ALG1L2: variants seen among roughly 807,000 people sequenced by gnomAD.
ALG1L2 encodes the protein putative glycosyltransferase ALG1L2.
ALG1L2 carries 32 observed loss-of-function variants against 29.0 expected under a neutral mutation model. The observed-to-expected ratio is 1.10, with a 90% CI of 0.83 to 1.48. ALG1L2 has a LOEUF of 1.48. Ranked by LOEUF, ALG1L2 falls within the 40% of genes most tolerant of loss-of-function variation. The probability of loss-of-function intolerance (pLI) is 0.00; values close to 1 mark genes in which losing one functional copy is unlikely to be tolerated. For synonymous variants in ALG1L2, 110 were observed against 109.5 expected (o/e 1.00, Z -0.03); for missense variants, 318 against 274.1 (o/e 1.16, Z -1.13).
At chr3:130,082,646 T>C (rs562533974) in intron 1 of ALG1L2, among the ~76,000 whole-genome samples, 310 of 145,180 alleles carry the variant, frequency 2.1e-3, no homozygotes, top group African/African-American at 7.3e-3. Flanking sequence ...TCTGAATCTA[T>C]GTTTTATCAG....
At chr3:130,095,070 C>G (rs539386180) in intron 5 of ALG1L2, among the ~76,000 whole-genome samples, 6 of 152,310 alleles carry the variant, frequency 3.9e-5, no homozygotes, top group African/African-American at 1.4e-4. Context: ...AGTCTTGCTC[C>G]GTTGCCTAGG....
rs1935184994 is a variant in ALG1L2, at chr3:130,098,128, G to T, written c.616-95G>T. The T allele has an allele frequency of 8.5e-6, 13 of 1,532,774 alleles. No homozygotes were observed. The South Asian group carries it at 1.4e-4, about 16-fold the overall frequency. 94.9% of individuals were successfully genotyped at this position (1,532,774 alleles called of 1,614,324 possible). On this transcript the variant is annotated intron_variant, in intron 7 of 7. Transcript: ENST00000425059. ...GTCCAAGTGAGGGAGCTAGGGACTTGGGAGGGGTTGTTGTTGGGTCGGGGA... is the reference window on the plus strand; with the variant it reads ...GTCCAAGTGAGGGAGCTAGGGACTTTGGAGGGGTTGTTGTTGGGTCGGGGA...
chr3:130,092,503 T>C (rs1305680562), intron 3 of ALG1L2, among the ~76,000 whole-genome samples: 2 of 152,190 alleles, frequency 1.3e-5, no homozygotes, highest in Non-Finnish European at 2.9e-5. Context: ...AGCTGTGAGC[T>C]GCTTGCCTGG....
At chr3:130,086,229 G>T (rs1205410690) in intron 1 of ALG1L2, among the ~76,000 whole-genome samples, 2 of 151,202 alleles carry the variant, frequency 1.3e-5, no homozygotes, top group African/African-American at 4.8e-5. Context: ...GCTGACAGGC[G>T]CTAGCGCACT....
chr3:130,094,577 C>CCTTTTGCTGGGGTAACTGGGGGGGGG, intron 5 of ALG1L2, 64 bp downstream of exon 5: 1 of 286,992 alleles, frequency 3.5e-6, no homozygotes, highest in Non-Finnish European at 6.5e-6. Context: ...CAGGGGTGGG[C>CCTTTTGCTGGGGTAACTGGGGGGGGG]GGGGTGTACC....
intron 1 of ALG1L2, among the ~76,000 whole-genome samples, chr3:130,084,948 TTTTA>T (rs71155601): frequency 1.8e-4 from 11 of 61,272 alleles, no homozygotes; most frequent in Admixed American, 1.3e-3. Flanking sequence ...ATATATATAA[TTTTA>T]TTTATTTATT....
chr3:130,096,066 G>A lies in ALG1L2; in HGVS notation c.442G>A (p.Val148Ile), dbSNP rs780586277. ...CCTAGCAGGGTCGGTGGACCTGGATGTCTGTCTGGACACGTCCTCCAGTGG... is the reference window on the plus strand; with the variant it reads ...CCTAGCAGGGTCGGTGGACCTGGATATCTGTCTGGACACGTCCTCCAGTGG... The part of the protein sequence containing the change: ...PPLLGSVDLD[V>I]CLDTSSSGLD... The change falls in exon 6 of 8, where the codon GTC becomes ATC. Residue 148 changes from valine to isoleucine, a missense_variant. Physicochemically the swap from Val to Ile is conservative, Grantham distance 29 (BLOSUM62 3). Coordinates refer to ENST00000425059, the MANE Select transcript of ALG1L2 (RefSeq NM_001136152.1). 6.2e-6 allele frequency: 10 copies of A among 1,604,598 alleles called. No individual in the cohort carries two copies. The South Asian group carries it at 1.1e-4, about 18-fold the overall frequency.
At chr3:130,083,310 G>T (rs1934826034) in intron 1 of ALG1L2, among the ~76,000 whole-genome samples, 1 of 132,392 alleles carries the variant, frequency 7.6e-6, no homozygotes, top group African/African-American at 2.5e-5. Flanking sequence ...CCGGTGTGGT[G>T]GCAGGCTCCT....
At chr3:130,092,793 G>A (rs1045784093) in intron 3 of ALG1L2, among the ~76,000 whole-genome samples, 1 of 152,174 alleles carries the variant, frequency 6.6e-6, no homozygotes, top group African/African-American at 2.4e-5. Context: ...AACTCTGGGA[G>A]GCCGAGGCAG....
chr3:130,082,694 G>A (rs1384814397), intron 1 of ALG1L2, among the ~76,000 whole-genome samples: 5 of 148,112 alleles, frequency 3.4e-5, no homozygotes, highest in Non-Finnish European at 7.6e-5. Flanking sequence ...TGCGTGGGCA[G>A]ACGAGACACC....
intron 4 of ALG1L2, 84 bp downstream of exon 4, chr3:130,093,244 C>T (rs555195595): frequency 4.3e-5 from 63 of 1,478,082 alleles, no homozygotes; most frequent in African/African-American, 3.8e-4. Context: ...GTGCTTCCCA[C>T]GATCTTGTCT....
In ALG1L2 at chr3:130,081,977, A is replaced by G. The variant is rs1288166017; in HGVS notation, c.-40A>G. The G allele has an allele frequency of 1.4e-6, 2 of 1,446,670 alleles. No homozygotes were observed. Among genetic ancestry groups the G allele is most frequent in the East Asian group, 4.9e-5 (2 of 40,604 alleles). The allele number at this position is 1,446,670 out of a possible 1,614,324, so 89.6% of individuals were successfully genotyped here. ...TGTCACAGAGGCTGGAGAAATAAGCAGTTCCTTGCTAAGAAGTCTGAATTT... is the reference window on the plus strand; with the variant it reads ...TGTCACAGAGGCTGGAGAAATAAGCGGTTCCTTGCTAAGAAGTCTGAATTT... On this transcript the variant is annotated 5_prime_UTR_variant, in exon 1 of 8. Coordinates refer to ENST00000425059, the MANE Select transcript of ALG1L2 (RefSeq NM_001136152.1).
In ALG1L2 at chr3:130,096,079, C is replaced by T. The variant is rs112596412; in HGVS notation, c.455C>T (p.Thr152Met). ...GTGGACCTGGATGTCTGTCTGGACA[C>T]GTCCTCCAGTGGCCTGGACCTGCCC... ...GSVDLDVCLD[T>M]SSSGLDLPMK... is the part of the protein sequence containing the mutation. The change falls in exon 6 of 8, where the codon ACG becomes ATG. Residue 152 changes from threonine (T) to methionine (M), a missense_variant. Transcript: ENST00000425059. The T allele has an allele frequency of 1.3e-4, 210 of 1,558,494 alleles. 1 individual carries two copies. The highest frequency in any genetic ancestry group is 3.1e-4 in the South Asian group (28 of 89,658).
At position 130,082,984 on chromosome 3, in the gene ALG1L2, C is replaced by T. The variant is rs183630073; in HGVS notation, c.20+948C>T. On this transcript the variant is annotated intron_variant, in intron 1 of 7. Coordinates refer to ENST00000425059, the MANE Select transcript of ALG1L2 (RefSeq NM_001136152.1). ...AGGAACCCTCTCCCAGCCTTTTCTA[C>T]TCATCTGATTCCCTGTAGTAACCAA... is the stretch of plus-strand genomic sequence containing the variant. 8.3e-4 allele frequency among the ~76,000 whole-genome samples: 111 copies of T among 133,820 alleles called. 3 individuals are homozygous for T. Among genetic ancestry groups the T allele is most frequent in the African/African-American group, 2.7e-3 (109 of 39,722 alleles). 87.8% of individuals were successfully genotyped at this position (133,820 alleles called of 152,430 possible). A position where few individuals can be genotyped will look rare whatever the true frequency, so the allele number is the denominator to read the frequency against.
At chr3:130,086,430 G>A (rs1457404180) in intron 1 of ALG1L2, among the ~76,000 whole-genome samples, 3 of 149,716 alleles carry the variant, frequency 2.0e-5, no homozygotes, top group African/African-American at 7.3e-5. Context: ...ACTTTGGGAG[G>A]CCAAGGCGGG....
At chr3:130,092,012 C>A (rs1935026187) in intron 2 of ALG1L2, 89 bp from the exon 3 acceptor site, 4 of 1,573,722 alleles carry the variant, frequency 2.5e-6, no homozygotes, top group South Asian at 1.2e-5. Flanking sequence ...CCGTTGGGAG[C>A]CTGCAGGCCT....
rs932226253 is a variant in ALG1L2 at position 130,083,552 on chromosome 3, G to T, written c.20+1516G>T. Among the ~76,000 whole-genome samples the T allele has an allele frequency of 2.3e-5, 3 of 131,440 alleles. 1 individual carries two copies. Among genetic ancestry groups the T allele is most frequent in the African/African-American group, 7.7e-5 (3 of 39,134 alleles). The allele number at this position is 131,440 out of a possible 152,430, so 86.2% of individuals were successfully genotyped here. A position where few individuals can be genotyped will look rare whatever the true frequency, so the allele number is the denominator to read the frequency against. On this transcript the variant is annotated intron_variant, in intron 1 of 7. Transcript: ENST00000425059. The stretch of plus-strand genomic sequence containing the variant: ...ATGCCACATACAAAGTACAAATTAC[G>T]TCATTTCTGTGATTCCACATTTGAG...
rs551502249 is a variant in ALG1L2, at chr3:130,082,241, C to T, written c.20+205C>T. On this transcript the variant is annotated intron_variant, in intron 1 of 7. Coordinates refer to ENST00000425059, the MANE Select transcript of ALG1L2 (RefSeq NM_001136152.1). Reference sequence around the variant, plus strand: ...TGAGATGAATTCATGGGTGTTTGGCCTGTGTAGTCACACAGGGTCCCGAGC... The same window carrying T: ...TGAGATGAATTCATGGGTGTTTGGCTTGTGTAGTCACACAGGGTCCCGAGC... Among the ~76,000 whole-genome samples, 6 of 144,092 alleles carry T rather than the reference C, an allele frequency of 4.2e-5. No individual in the cohort carries two copies. In the East Asian group the frequency reaches 9.9e-4, roughly 24 times the overall value. The allele number at this position is 144,092 out of a possible 152,430, so 94.5% of individuals were successfully genotyped here. A position where few individuals can be genotyped will look rare whatever the true frequency, so the allele number is the denominator to read the frequency against.
chr3:130,098,188 T>G, intron 7 of ALG1L2, 35 bp from the exon 8 acceptor site: 2 of 1,595,898 alleles, frequency 1.3e-6, no homozygotes, highest in East Asian at 4.5e-5. Context: ...TGGGATGGGG[T>G]GGGGACAGGC....
Sources: allele counts gnomAD v4.1 joint callset (sites outside exome capture counted in the v4.1 genomes callset), GRCh38; gene constraint gnomAD v4.1.1; transcripts MANE v1.5; gene names NCBI Gene and HGNC (gene_info 2026-07-23, HGNC 2026-07-21).